POLR3A: variants seen among roughly 807,000 people sequenced by gnomAD.
POLR3A encodes the protein RNA polymerase III subunit A.
In POLR3A, 112 loss-of-function variants were observed where a neutral mutation model predicts 152.8. That is an observed-to-expected ratio of 0.73 (90% CI 0.63 to 0.86). The LOEUF (loss-of-function observed/expected upper bound fraction) is 0.86, where lower values mean the gene tolerates loss of function less well. Ranked by LOEUF, POLR3A falls within the 40% of genes least tolerant of loss-of-function variation. POLR3A has a pLI of 0.00. For missense variants in POLR3A, 1,385 were observed against 1,743.1 expected, an observed-to-expected ratio of 0.79 and a Z score of 3.66; for synonymous variants, 615 against 652.1, an observed-to-expected ratio of 0.94 and a Z score of 0.87.
rs540352477 is a variant in POLR3A, at chr10:77,993,130, C to G, written c.2787+67G>C. 6.0e-5 allele frequency: 72 copies of G among 1,196,132 alleles called. No individual in the cohort carries two copies. The African/African-American group carries it at 1.0e-3, about 17-fold the overall frequency. The allele number at this position is 1,196,132 out of a possible 1,614,324, so 74.1% of individuals were successfully genotyped here. On this transcript the variant is annotated intron_variant, in intron 20 of 30. Coordinates refer to ENST00000372371, the MANE Select transcript of POLR3A (RefSeq NM_007055.4). ...TATTAACTGCAATTGATAGTCCAAACAGTACTTCCGTCCTAAAGAAACATC... is the reference window on the plus strand; with the variant it reads ...TATTAACTGCAATTGATAGTCCAAAGAGTACTTCCGTCCTAAAGAAACATC...
intron 14 of POLR3A, 151 bp from the exon 15 acceptor site, chr10:78,008,017 G>GT: frequency 4.0e-6 from 2 of 495,912 alleles, no homozygotes; most frequent in Non-Finnish European, 7.2e-6. Flanking sequence ...TTTGGGGGGA[G>GT]GGAGGGGGGG....
rs1248736034 is a variant in POLR3A, at chr10:78,027,129, G to A, written c.45-900C>T. On this transcript the variant is annotated intron_variant, in intron 1 of 30. Coordinates refer to ENST00000372371, the MANE Select transcript of POLR3A (RefSeq NM_007055.4). ...AGTGGAGTCTGAGGAATTACTTTACGTTGCATGGTCAGAAAGCCTCACTGT... is the reference window on the plus strand; with the variant it reads ...AGTGGAGTCTGAGGAATTACTTTACATTGCATGGTCAGAAAGCCTCACTGT... 4.6e-5 allele frequency among the ~76,000 whole-genome samples: 7 copies of A among 152,304 alleles called. No homozygotes were observed. The South Asian group carries it at 1.0e-3, about 23-fold the overall frequency.
In POLR3A at chr10:78,013,752, C is replaced by T. The variant is rs747536477; in HGVS notation, c.1470G>A (p.Glu490=). ...CAGCATTATAGGGTGTACAGACACACTCATTAAATCTGAAGGTCCGGTGGG... is the reference window on the plus strand; with the variant it reads ...CAGCATTATAGGGTGTACAGACACATTCATTAAATCTGAAGGTCCGGTGGG... ...VKPHRTFRFN[E]CVCTPYNADF... The change falls in exon 11 of 31, where the codon GAG becomes GAA. Residue 490 remains glutamate (E), a synonymous_variant. Transcript: ENST00000372371. The T allele has an allele frequency of 1.4e-5, 22 of 1,614,000 alleles. No individual in the cohort carries two copies. Among genetic ancestry groups the T allele is most frequent in the Non-Finnish European group, 1.9e-5 (22 of 1,180,008 alleles).
chr10:77,993,624 C>T (rs1241758297), intron 19 of POLR3A, among the ~76,000 whole-genome samples: 1 of 152,208 alleles, frequency 6.6e-6, no homozygotes, highest in Non-Finnish European at 1.5e-5. Flanking sequence ...GCAATTTAAA[C>T]CGCATCACCC....
In POLR3A at chr10:78,012,261, G is replaced by A. The variant is rs1847473575; in HGVS notation, c.1572+1389C>T. On this transcript the variant is annotated intron_variant, in intron 11 of 30. Transcript: ENST00000372371. Reference sequence around the variant, plus strand: ...CGCCTGTAATCCCAGCTACTCAGGAGGCTGAGGCAGGAGAATCACTTGAAC... The same window carrying A: ...CGCCTGTAATCCCAGCTACTCAGGAAGCTGAGGCAGGAGAATCACTTGAAC... Among the ~76,000 whole-genome samples the A allele has an allele frequency of 3.9e-5, 6 of 152,014 alleles. No homozygotes were observed. The South Asian group carries it at 1.2e-3, about 32-fold the overall frequency.
rs372235355 is a variant in POLR3A, at chr10:77,991,647, C to A, written c.2788-480G>T. Among the ~76,000 whole-genome samples the A allele has an allele frequency of 1.1e-4, 16 of 152,214 alleles. No individual in the cohort carries two copies. The South Asian group carries it at 3.1e-3, about 30-fold the overall frequency. On this transcript the variant is annotated intron_variant, in intron 20 of 30. Coordinates refer to ENST00000372371, the MANE Select transcript of POLR3A (RefSeq NM_007055.4). ...AAGTGATTCTCTTGCCTCAGCCTCC[C>A]GAGTAGCTGGGACTACAGGCATGCG...
At position 78,021,989 on chromosome 10, in the gene POLR3A, T is replaced by C; in HGVS notation, c.919A>G (p.Met307Val). 6.2e-7 allele frequency: 1 copy of C among 1,614,172 alleles called. No homozygotes were observed. The highest frequency in any genetic ancestry group is 8.5e-7 in the Non-Finnish European group (1 of 1,180,030). ...AGCTGCAGGAAATCCCAGTCCTCCATGATCATCTGGGTCTTGGCTCCTGAG... is the reference window on the plus strand; with the variant it reads ...AGCTGCAGGAAATCCCAGTCCTCCACGATCATCTGGGTCTTGGCTCCTGAG... ...RISGAKTQMI[M>V]EDWDFLQLQC... The change falls in exon 7 of 31, where the codon ATG becomes GTG. Residue 307 changes from methionine (M) to valine (V), a missense_variant. Met to Val is a conservative substitution (Grantham distance 21, BLOSUM62 1). Around this residue, in one of 7 missense-constraint regions of POLR3A, gnomAD observed 493 missense variants for 647.5 expected, o/e 0.76. Coordinates refer to ENST00000372371, the MANE Select transcript of POLR3A (RefSeq NM_007055.4).
chr10:78,009,686 G>C lies in POLR3A; in HGVS notation c.1771-11C>G. On this transcript the variant is annotated splice_polypyrimidine_tract_variant and intron_variant, in intron 13 of 30. Coordinates refer to ENST00000372371, the MANE Select transcript of POLR3A (RefSeq NM_007055.4). The stretch of plus-strand genomic sequence containing the variant: ...CCACAGGGTGACAGGCTGAGGGGGG[G>C]AGGAAGCCTGAGAGTCAGTGGGCTG... The C allele has an allele frequency of 6.2e-7, 1 of 1,614,158 alleles. No individual in the cohort carries two copies. Among genetic ancestry groups the C allele is most frequent in the Non-Finnish European group, 8.5e-7 (1 of 1,180,034 alleles).
chr10:77,993,508 G>A (rs1042158567), intron 19 of POLR3A, 141 bp from the exon 20 acceptor site: 2 of 703,926 alleles, frequency 2.8e-6, no homozygotes, highest in South Asian at 3.1e-5. Flanking sequence ...CCTTTAAAAA[G>A]AGTCCTCTCA....
intron 5 of POLR3A, among the ~76,000 whole-genome samples, chr10:78,023,227 G>A (rs541358970): frequency 3.3e-5 from 5 of 152,070 alleles, no homozygotes; most frequent in Admixed American, 6.6e-5. Flanking sequence ...TAGAGGGGCT[G>A]AGGCGGGTGG....
intron 29 of POLR3A, among the ~76,000 whole-genome samples, chr10:77,980,642 C>T (rs1340556906): frequency 6.6e-6 from 1 of 152,076 alleles, no homozygotes; most frequent in Non-Finnish European, 1.5e-5. Flanking sequence ...GGTAATTCTA[C>T]TCAAAGGAAT....
At chr10:77,992,904 C>T (rs1233461372) in intron 20 of POLR3A, among the ~76,000 whole-genome samples, 3 of 148,268 alleles carry the variant, frequency 2.0e-5, no homozygotes, top group South Asian at 4.3e-4. Flanking sequence ...TTTATAGAGA[C>T]GGGGTCTCAC....
intron 16 of POLR3A, among the ~76,000 whole-genome samples, chr10:78,004,141 G>T (rs572992797): frequency 9.9e-5 from 15 of 152,230 alleles, no homozygotes; most frequent in Admixed American, 6.5e-4. Flanking sequence ...GGGTGAGGCA[G>T]GAGAATTGCT....
intron 21 of POLR3A, among the ~76,000 whole-genome samples, chr10:77,986,439 A>G (rs1359686884): frequency 2.6e-5 from 4 of 152,188 alleles, no homozygotes; most frequent in East Asian, 1.9e-4. Flanking sequence ...CAGAGCCCAC[A>G]AAGTGCGTGG....
chr10:77,988,482 A>C (rs1302430790), intron 21 of POLR3A, among the ~76,000 whole-genome samples: 1 of 151,402 alleles, frequency 6.6e-6, no homozygotes, highest in East Asian at 1.9e-4. Context: ...AGATTGTGAG[A>C]CTCTGTCTCA....
At chr10:77,997,006 A>T (rs1564616929) in intron 19 of POLR3A, among the ~76,000 whole-genome samples, 1 of 152,250 alleles carries the variant, frequency 6.6e-6, no homozygotes, top group East Asian at 1.9e-4. Flanking sequence ...GGCTGGTTCC[A>T]CATACACAGA....
chr10:78,021,802 C>A, intron 7 of POLR3A, 58 bp downstream of exon 7: 1 of 1,611,282 alleles, frequency 6.2e-7, no homozygotes, highest in South Asian at 1.1e-5. Flanking sequence ...GACAGACACT[C>A]CTGAAAAAGG....
intron 20 of POLR3A, 62 bp downstream of exon 20, chr10:77,993,135 C>T (rs1847265083): frequency 7.8e-7 from 1 of 1,283,254 alleles, no homozygotes. Context: ...CCAAACAGTA[C>T]TTCCGTCCTA....
At chr10:78,024,006 T>G (rs976973046) in intron 5 of POLR3A, among the ~76,000 whole-genome samples, 1 of 148,612 alleles carries the variant, frequency 6.7e-6, no homozygotes, top group African/African-American at 2.4e-5. Flanking sequence ...AAACAACTGG[T>G]GTTACAAGGC....
Sources: allele counts gnomAD v4.1 joint callset (sites outside exome capture counted in the v4.1 genomes callset), GRCh38; gene constraint gnomAD v4.1.1; regional missense constraint gnomAD v4.1.1; transcripts MANE v1.5; gene names NCBI Gene and HGNC (gene_info 2026-07-23, HGNC 2026-07-21).